Variants in CUX1 observed in about 807,000 individuals in gnomAD.
CUX1 encodes the protein cut like homeobox 1.
A neutral mutation model predicts 158.8 loss-of-function variants in CUX1; 31 were observed. That is an observed-to-expected ratio of 0.20 (90% CI 0.15 to 0.26). CUX1 has a LOEUF of 0.26. CUX1 is among the 10% of genes least tolerant of loss of function. CUX1 has a pLI of 1.00. For missense variants in CUX1, 1,589 were observed against 2,014.6 expected (o/e 0.79, Z 4.04); for synonymous variants, 879 against 862.1 (o/e 1.02, Z -0.34).
At chr7:102,032,589 A>T (rs1820920379) in intron 3 of CUX1, among the ~76,000 whole-genome samples, 1 of 152,098 alleles carries the variant, frequency 6.6e-6, no homozygotes, top group African/African-American at 2.4e-5. Context: ...GAATCAGTTG[A>T]ACTCGGGAGG....
At chr7:101,835,323 T>G (rs1002184516) in intron 1 of CUX1, among the ~76,000 whole-genome samples, 9 of 152,212 alleles carry the variant, frequency 5.9e-5, no homozygotes, top group African/African-American at 2.2e-4. Context: ...TGCACCTGTC[T>G]GGGCCGCATT....
At chr7:102,190,002 C>T (rs1794107274) in intron 12 of CUX1, 131 bp downstream of exon 12, 1 of 902,854 alleles carries the variant, frequency 1.1e-6, no homozygotes, top group Non-Finnish European at 1.7e-6. Flanking sequence ...TAAATGCAGC[C>T]AGAGTTCTAC....
intron 17 of CUX1, chr7:102,277,869 G>T (rs1289609793): frequency 4.8e-6 from 4 of 827,782 alleles, no homozygotes; most frequent in Admixed American, 6.0e-5. Flanking sequence ...GGCACAGAAG[G>T]GGCTCCAGGT....
At position 102,136,358 on chromosome 7, in the gene CUX1, T is replaced by C. The variant is rs185509021; in HGVS notation, c.674+21085T>C. The stretch of plus-strand genomic sequence containing the variant: ...AACAACCTTTAGTATTTTGGTCACC[T>C]ATTTTTTCTGTATGCATCTCGTCAT... On this transcript the variant is annotated intron_variant, in intron 8 of 23. Transcript: ENST00000292535. Among the ~76,000 whole-genome samples, 409 of 152,284 alleles carry C rather than the reference T, an allele frequency of 2.7e-3. 1 individual carries two copies. The highest frequency in any genetic ancestry group is 9.5e-3 in the African/African-American group (396 of 41,570).
chr7:101,816,077 AT>A, upstream of CUX1: 3 of 1,405,780 alleles, frequency 2.1e-6, no homozygotes, highest in South Asian at 1.2e-5. Flanking sequence ...AAGCGCTTTG[AT>A]TTACAGCAGC....
chr7:101,821,490 C>T (rs907433183), intron 1 of CUX1, among the ~76,000 whole-genome samples: 1 of 151,506 alleles, frequency 6.6e-6, no homozygotes, highest in African/African-American at 2.4e-5. Flanking sequence ...AGGCGCTGGC[C>T]ACCAGGCCTG....
At chr7:101,843,088 G>A (rs1237873799) in intron 1 of CUX1, among the ~76,000 whole-genome samples, 7 of 151,320 alleles carry the variant, frequency 4.6e-5, no homozygotes, top group Non-Finnish European at 4.4e-5. Flanking sequence ...GGATGGTCTC[G>A]ATCTCCTGAC....
intron 22 of CUX1, among the ~76,000 whole-genome samples, chr7:102,235,485 G>A (rs1430307663): frequency 6.6e-6 from 1 of 152,100 alleles, no homozygotes; most frequent in Non-Finnish European, 1.5e-5. Context: ...TGGATCACTT[G>A]AGGTTCAGAG....
chr7:101,890,606 CG>C (rs199987144), intron 1 of CUX1, among the ~76,000 whole-genome samples: 2,691 of 152,086 alleles, frequency 0.018, 34 homozygotes, highest in South Asian at 0.038. Flanking sequence ...CGGGTCAGTA[CG>C]GGGAAAAACG....
At position 102,185,753 on chromosome 7, in the gene CUX1, T is replaced by C. The variant is rs75625142; in HGVS notation, c.1018-4060T>C. Among the ~76,000 whole-genome samples, 1,380 of 152,194 alleles carry C rather than the reference T, an allele frequency of 9.1e-3. 12 individuals are homozygous for C. The highest frequency in any genetic ancestry group is 0.015 in the Non-Finnish European group (989 of 68,018). On this transcript the variant is annotated intron_variant, in intron 11 of 23. Transcript: ENST00000292535. ...AAGTACGTGGTGGAGCCAGGATCTG[T>C]CGGACTCTGGAGTCCAGGTTTGCAG...
chr7:102,168,908 C>CTTTTTTT lies in CUX1; in HGVS notation c.724-1534_724-1533insTTTTTTT, dbSNP rs1563341626. Among the ~76,000 whole-genome samples the CTTTTTTT allele has an allele frequency of 9.8e-5, 12 of 121,986 alleles. 1 individual carries two copies. Among genetic ancestry groups the CTTTTTTT allele is most frequent in the African/African-American group, 2.1e-4 (6 of 28,836 alleles). 80.0% of individuals were successfully genotyped at this position (121,986 alleles called of 152,430 possible). On this transcript the variant is annotated intron_variant, in intron 9 of 23. Coordinates refer to ENST00000292535, the MANE Select transcript of CUX1 (RefSeq NM_181552.4). ...CTTTTCTTTTCTTTTCTTTTCTTTT[C>CTTTTTTT]TTTTATTTTCTTTTCTTTTCTTTTA...
At chr7:102,174,370 C>T (rs1370429839) in intron 10 of CUX1, among the ~76,000 whole-genome samples, 1 of 152,210 alleles carries the variant, frequency 6.6e-6, no homozygotes, top group Non-Finnish European at 1.5e-5. Context: ...CTGCCCACCT[C>T]AGCCTCCCAA....
At chr7:102,145,086 TAAA>T (rs59225537) in intron 8 of CUX1, among the ~76,000 whole-genome samples, 25 of 118,768 alleles carry the variant, frequency 2.1e-4, no homozygotes, top group African/African-American at 6.2e-4. Context: ...GACTCCGTCT[TAAA>T]AAAAAAAAAA....
rs531479799 is a variant in CUX1 at position 102,172,828 on chromosome 7, G to A, written c.828+2278G>A. 2.6e-5 allele frequency among the ~76,000 whole-genome samples: 4 copies of A among 152,352 alleles called. No homozygotes were observed. The East Asian group carries it at 5.8e-4, about 22-fold the overall frequency. On this transcript the variant is annotated intron_variant, in intron 10 of 23. Transcript: ENST00000292535. ...TGTAATCCCAGCCCTTTGGGAAGCT[G>A]AAGCAGGAGGATCACTTGAGGCCAG...
intron 20 of CUX1, among the ~76,000 whole-genome samples, chr7:102,214,385 ATGG>A (rs1483717127): frequency 2.0e-5 from 3 of 150,122 alleles, no homozygotes; most frequent in African/African-American, 7.4e-5. Flanking sequence ...TTAGCCGAGC[ATGG>A]TGGTGTGCGC....
At chr7:102,262,395 C>CATGGATGGATGGATGGATGGATGGATGG (rs55973199), downstream of CUX1, among the ~76,000 whole-genome samples, 900 of 143,280 alleles carry the variant, frequency 6.3e-3, 15 homozygotes, top group Middle Eastern at 0.015. Flanking sequence ...AAGACTCCAT[C>CATGGATGGATGGATGGATGGATGGATGG]ATGGATGGAT....
chr7:102,043,830 A>T (rs549809962), intron 3 of CUX1, among the ~76,000 whole-genome samples: 1 of 152,270 alleles, frequency 6.6e-6, no homozygotes, highest in South Asian at 2.1e-4. Flanking sequence ...GTGTACAAAG[A>T]TGCCCATTTC....
intron 17 of CUX1, among the ~76,000 whole-genome samples, chr7:102,277,279 A>G (rs1358128063): frequency 2.0e-5 from 3 of 152,190 alleles, no homozygotes; most frequent in African/African-American, 7.2e-5. Context: ...CCTGGGTGAT[A>G]GAGCAAGACC....
rs71755816 is a variant in CUX1 at position 101,836,684 on chromosome 7, C to CAAAA, written c.30+19034_30+19037dup. 4.9e-3 allele frequency among the ~76,000 whole-genome samples: 383 copies of CAAAA among 77,746 alleles called. 12 individuals are homozygous for CAAAA. The highest frequency in any genetic ancestry group is 6.2e-3 in the Non-Finnish European group (256 of 41,456). 51.0% of individuals were successfully genotyped at this position (77,746 alleles called of 152,430 possible). A position where few individuals can be genotyped will look rare whatever the true frequency, so the allele number is the denominator to read the frequency against. On this transcript the variant is annotated intron_variant, in intron 1 of 23. Coordinates refer to ENST00000292535, the MANE Select transcript of CUX1 (RefSeq NM_181552.4). ...CTCTGAGAGCAGCGAGACTCCTTCTCAAAAAAAAAAAAAAAAAAAAAAGAA... is the reference window on the plus strand; with the variant it reads ...CTCTGAGAGCAGCGAGACTCCTTCTCAAAAAAAAAAAAAAAAAAAAAAAAAAGAA...
Sources: allele counts gnomAD v4.1 joint callset (sites outside exome capture counted in the v4.1 genomes callset), GRCh38; gene constraint gnomAD v4.1.1; transcripts MANE v1.5; gene names NCBI Gene and HGNC (gene_info 2026-07-23, HGNC 2026-07-21).